Variants in STRBP observed in about 807,000 individuals in gnomAD.
The protein encoded by STRBP is spermatid perinuclear RNA-binding protein.
STRBP carries 13 observed loss-of-function variants against 80.1 expected under a neutral mutation model. The observed-to-expected ratio is 0.16, with a 90% CI of 0.11 to 0.26. The LOEUF (loss-of-function observed/expected upper bound fraction) is 0.26. STRBP is among the 10% of genes least tolerant of loss of function. STRBP has a pLI of 1.00. For synonymous variants in STRBP, 284 were observed against 291.2 expected (o/e 0.98, Z 0.25); for missense variants, 485 against 815.2 (o/e 0.59, Z 4.93).
chr9:123,212,386 T>C (rs887428632), intron 2 of STRBP, among the ~76,000 whole-genome samples: 1 of 152,232 alleles, frequency 6.6e-6, no homozygotes, highest in Non-Finnish European at 1.5e-5. Context: ...CTTGCCTGAA[T>C]TTCCAGTGGA....
In STRBP at chr9:123,122,568, A is replaced by G. The variant is rs1374475119; in HGVS notation, c.*3029T>C. ...TATAAACTCAACTCCTTACTTCACC[A>G]CCCATGCACTTCATCTAGTCAGCAT... is the stretch of plus-strand genomic sequence containing the variant. On this transcript the variant is annotated 3_prime_UTR_variant, in exon 19 of 19. Transcript: ENST00000348403. 2 of 1,117,092 alleles carry G rather than the reference A, an allele frequency of 1.8e-6. No individual in the cohort carries two copies. Among genetic ancestry groups the G allele is most frequent in the Admixed American group, 9.0e-5 (2 of 22,184 alleles). 69.2% of individuals were successfully genotyped at this position (1,117,092 alleles called of 1,614,324 possible). A position where few individuals can be genotyped will look rare whatever the true frequency, so the allele number is the denominator to read the frequency against.
rs188808702 is a variant in STRBP, at chr9:123,262,889, T to A, written c.-302+5547A>T. 5.2e-4 allele frequency among the ~76,000 whole-genome samples: 79 copies of A among 152,334 alleles called. 2 individuals are homozygous for A. The highest frequency in any genetic ancestry group is 5.1e-3 in the Admixed American group (78 of 15,302). ...AAGAACTAAAAGCTATATTAAAGAT[T>A]AACACAACTTTCAGGCTCAAATCAC... is the stretch of plus-strand genomic sequence containing the variant. On this transcript the variant is annotated intron_variant, in intron 1 of 18. Coordinates refer to ENST00000348403, the MANE Select transcript of STRBP (RefSeq NM_018387.5).
intron 11 of STRBP, among the ~76,000 whole-genome samples, chr9:123,154,557 T>A (rs1338972447): frequency 6.9e-6 from 1 of 145,506 alleles, no homozygotes; most frequent in East Asian, 1.9e-4. Context: ...GTTTTATGGG[T>A]TTGAAAGAAA....
chr9:123,133,190 GGTT>G (rs1256429368), intron 16 of STRBP, among the ~76,000 whole-genome samples: 1 of 152,092 alleles, frequency 6.6e-6, no homozygotes, highest in Non-Finnish European at 1.5e-5. Context: ...TTTGCTTGAG[GGTT>G]ATCCAGAAAG....
intron 2 of STRBP, among the ~76,000 whole-genome samples, chr9:123,198,644 G>A (rs1036662113): frequency 3.3e-5 from 5 of 152,034 alleles, no homozygotes; most frequent in Admixed American, 6.6e-5. Flanking sequence ...ATGTGCTTTC[G>A]GGGTCTTAGC....
intron 6 of STRBP, among the ~76,000 whole-genome samples, chr9:123,162,936 A>G (rs192317735): frequency 8.9e-4 from 136 of 152,376 alleles, no homozygotes; most frequent in African/African-American, 2.9e-3. Flanking sequence ...GCATCTGTGT[A>G]AAGCTCACAT....
At chr9:123,127,992 A>G (rs2035965074) in intron 18 of STRBP, among the ~76,000 whole-genome samples, 1 of 152,256 alleles carries the variant, frequency 6.6e-6, no homozygotes, top group Non-Finnish European at 1.5e-5. Context: ...ACAGGCAATT[A>G]GAACAAGCAG....
intron 3 of STRBP, among the ~76,000 whole-genome samples, chr9:123,180,637 A>G (rs997998234): frequency 2.6e-5 from 4 of 152,244 alleles, no homozygotes; most frequent in Non-Finnish European, 5.9e-5. Context: ...ATATCAGATC[A>G]GTGGAACAGA....
intron 1 of STRBP, among the ~76,000 whole-genome samples, chr9:123,246,194 AG>A (rs2040796384): frequency 6.6e-6 from 1 of 152,248 alleles, no homozygotes; most frequent in Non-Finnish European, 1.5e-5. Context: ...CAGACAAACC[AG>A]GAGAACAAGG....
intron 2 of STRBP, among the ~76,000 whole-genome samples, chr9:123,202,093 C>T (rs748489411): frequency 2.8e-4 from 43 of 152,172 alleles, no homozygotes; most frequent in Admixed American, 1.8e-3. Context: ...CCTTTTTCCA[C>T]TTTTCTGAGT....
intron 11 of STRBP, among the ~76,000 whole-genome samples, chr9:123,153,437 C>T (rs931539814): frequency 6.6e-6 from 1 of 152,104 alleles, no homozygotes; most frequent in Non-Finnish European, 1.5e-5. Flanking sequence ...GTGATCTGCC[C>T]ACCTCAGCCT....
Position 123,159,153 on chromosome 9 carries a change from C to T in STRBP, c.778G>A (p.Ala260Thr), listed in dbSNP as rs770270339. The change falls in exon 9 of 19, where the codon GCT becomes ACT. Residue 260 changes from alanine to threonine, a missense_variant. Coordinates refer to ENST00000348403, the MANE Select transcript of STRBP (RefSeq NM_018387.5). ...ATTACTCGTCTCAAGGCCTCCCCAG[C>T]GCCCAAAGGTCTATTACAAGTACCT... Reference protein sequence around the residue: ...SIGTCNRPLGAGEALRRVMEC... With the variant: ...SIGTCNRPLGTGEALRRVMEC... 9 of 1,613,614 alleles carry T rather than the reference C, an allele frequency of 5.6e-6. No individual in the cohort carries two copies. The highest frequency in any genetic ancestry group is 1.7e-5 in the Admixed American group (1 of 59,988).
intron 2 of STRBP, among the ~76,000 whole-genome samples, chr9:123,190,833 T>A (rs1476395014): frequency 6.6e-6 from 1 of 152,010 alleles, no homozygotes; most frequent in East Asian, 1.9e-4. Context: ...GAAAAACACA[T>A]CCCTTTGCTA....
downstream of STRBP, among the ~76,000 whole-genome samples, chr9:123,117,476 G>A (rs981353561): frequency 6.6e-6 from 1 of 152,228 alleles, no homozygotes. Context: ...GCAATTTAGA[G>A]ACCCCAAAGC....
In STRBP at chr9:123,122,187, G is replaced by A; in HGVS notation, c.*3410C>T. 1 of 511,800 alleles carries A rather than the reference G, an allele frequency of 2.0e-6. No homozygotes were observed. The highest frequency in any genetic ancestry group is 3.0e-6 in the Non-Finnish European group (1 of 334,490). 31.7% of individuals were successfully genotyped at this position (511,800 alleles called of 1,614,324 possible). On this transcript the variant is annotated 3_prime_UTR_variant, in exon 19 of 19. Transcript: ENST00000348403. Reference sequence around the variant, plus strand: ...TTCTCTTTAATCAGAAAATAAAAGAGCTTACCTTTGTATACTGAGATCACA... The same window carrying A: ...TTCTCTTTAATCAGAAAATAAAAGAACTTACCTTTGTATACTGAGATCACA...
chr9:123,179,804 C>T (rs918457593), intron 3 of STRBP, among the ~76,000 whole-genome samples: 2 of 152,100 alleles, frequency 1.3e-5, no homozygotes, highest in African/African-American at 4.8e-5. Flanking sequence ...CTGAATACTA[C>T]TTCAACAAAT....
chr9:123,216,036 C>T (rs759531914), intron 2 of STRBP, among the ~76,000 whole-genome samples: 1 of 152,114 alleles, frequency 6.6e-6, no homozygotes, highest in African/African-American at 2.4e-5. Context: ...GATGTTTAAC[C>T]CTTGGAATGA....
At chr9:123,207,006 T>C (rs1424440865) in intron 2 of STRBP, among the ~76,000 whole-genome samples, 1 of 152,224 alleles carries the variant, frequency 6.6e-6, no homozygotes, top group East Asian at 1.9e-4. Flanking sequence ...TTTTCTGTGG[T>C]AAAATGAGAT....
At chr9:123,216,019 G>A (rs2039885914) in intron 2 of STRBP, among the ~76,000 whole-genome samples, 1 of 152,114 alleles carries the variant, frequency 6.6e-6, no homozygotes, top group South Asian at 2.1e-4. Context: ...CCTACTCACA[G>A]AAATAAGATG....
Sources: gnomAD v4.1 joint callset for allele counts (sites outside exome capture counted in the v4.1 genomes callset) on GRCh38, gnomAD v4.1.1 for gene constraint, MANE v1.5 for transcripts, NCBI Gene and HGNC (gene_info 2026-07-23, HGNC 2026-07-21) for gene names.